The following SRPK2 variants were observed in gnomAD, a reference collection of about 807,000 sequenced individuals.
SRPK2 encodes the protein SRSF protein kinase 2, also known as SFRS protein kinase 2.
SRPK2 carries 21 observed loss-of-function variants against 90.8 expected under a neutral mutation model. The observed-to-expected ratio is 0.23, with a 90% CI of 0.16 to 0.33. The LOEUF is 0.33. SRPK2 is among the 10% of genes least tolerant of loss of function. SRPK2 has a pLI of 1.00. For synonymous variants in SRPK2, 288 were observed against 311.1 expected (o/e 0.93, Z 0.78); for missense variants, 620 against 869.0 (o/e 0.71, Z 3.60).
In SRPK2 at chr7:105,396,402, C is replaced by T. The variant is rs191332609; in HGVS notation, n.153+2754G>A. Among the ~76,000 whole-genome samples the T allele has an allele frequency of 2.1e-3, 317 of 151,678 alleles. 1 individual carries two copies. Among genetic ancestry groups the T allele is most frequent in the African/African-American group, 7.0e-3 (289 of 41,390 alleles). ...CCTGTAATCCCAGCACTTTGGGAGGCTGAGGCAGGCAGATCACGAGGTCAG... is the reference window on the plus strand; with the variant it reads ...CCTGTAATCCCAGCACTTTGGGAGGTTGAGGCAGGCAGATCACGAGGTCAG... On this transcript the variant is annotated intron_variant and non_coding_transcript_variant, in intron 1 of 3. Coordinates refer to the SRPK2 transcript ENST00000462282.
intron 2 of SRPK2, among the ~76,000 whole-genome samples, chr7:105,260,855 G>A (rs1022244387): frequency 4.6e-5 from 7 of 151,018 alleles, no homozygotes; most frequent in South Asian, 2.1e-4. Context: ...GACACAGGGC[G>A]GGGAACATCA....
At chr7:105,122,004 C>A (rs909496032) in intron 15 of SRPK2, among the ~76,000 whole-genome samples, 1 of 152,076 alleles carries the variant, frequency 6.6e-6, no homozygotes, top group Non-Finnish European at 1.5e-5. Flanking sequence ...ATTGTGTACA[C>A]GTAGAAAGTA....
chr7:105,192,400 T>A (rs1794406824), intron 3 of SRPK2, among the ~76,000 whole-genome samples: 1 of 152,214 alleles, frequency 6.6e-6, no homozygotes. Context: ...CTTTTTATGG[T>A]TGAGAAGTAC....
At chr7:105,149,263 T>C (rs1489844033) in intron 7 of SRPK2, among the ~76,000 whole-genome samples, 4 of 152,204 alleles carry the variant, frequency 2.6e-5, no homozygotes, top group Non-Finnish European at 5.9e-5. Context: ...AGGTGAGACA[T>C]GTTTGCAGTA....
At chr7:105,268,996 T>G in intron 2 of SRPK2, 1 of 1,386,292 alleles carries the variant, frequency 7.2e-7, no homozygotes, top group Non-Finnish European at 9.5e-7. Context: ...AGTACTTCTG[T>G]TAGGACTGGG....
At chr7:105,231,058 T>C (rs184458019) in intron 2 of SRPK2, among the ~76,000 whole-genome samples, 5 of 152,330 alleles carry the variant, frequency 3.3e-5, no homozygotes, top group African/African-American at 1.2e-4. Context: ...CAATAGTTAA[T>C]TCGTCTGCCC....
chr7:105,121,626 G>A (rs1800399452), intron 15 of SRPK2, among the ~76,000 whole-genome samples: 1 of 152,112 alleles, frequency 6.6e-6, no homozygotes, highest in African/African-American at 2.4e-5. Flanking sequence ...AGCCCCTTAG[G>A]CTTCTGAATT....
chr7:105,335,480 T>G (rs935199199), intron 2 of SRPK2, among the ~76,000 whole-genome samples: 2 of 150,126 alleles, frequency 1.3e-5, no homozygotes, highest in African/African-American at 4.9e-5. Flanking sequence ...GGAAATACAG[T>G]GAGACCTCAT....
intron 3 of SRPK2, among the ~76,000 whole-genome samples, chr7:105,188,701 G>A (rs1793898866): frequency 6.6e-6 from 1 of 152,154 alleles, no homozygotes; most frequent in African/African-American, 2.4e-5. Flanking sequence ...CAATGTTAAG[G>A]AGTGAAATCT....
At chr7:105,187,715 G>T (rs1192844934) in intron 3 of SRPK2, among the ~76,000 whole-genome samples, 1 of 152,182 alleles carries the variant, frequency 6.6e-6, no homozygotes, top group East Asian at 1.9e-4. Flanking sequence ...AAGGATTTTG[G>T]TGTGGGTGTC....
intron 2 of SRPK2, among the ~76,000 whole-genome samples, chr7:105,319,109 A>G (rs891120451): frequency 1.3e-4 from 20 of 152,248 alleles, no homozygotes; most frequent in Middle Eastern, 3.2e-3. Flanking sequence ...TAATTCACTC[A>G]ATATTTCAAA....
At chr7:105,221,817 C>T (rs1405776777) in intron 2 of SRPK2, among the ~76,000 whole-genome samples, 2 of 152,146 alleles carry the variant, frequency 1.3e-5, no homozygotes, top group Non-Finnish European at 2.9e-5. Context: ...ATTTATTTTT[C>T]TTCGGATTAC....
At chr7:105,114,968 T>TCAAA (rs1799544862), downstream of SRPK2, among the ~76,000 whole-genome samples, 1 of 152,216 alleles carries the variant, frequency 6.6e-6, no homozygotes, top group Non-Finnish European at 1.5e-5. Context: ...CCTGATAGTT[T>TCAAA]CAAACAGAAT....
chr7:105,385,114 C>T (rs1397827123), intron 2 of SRPK2, among the ~76,000 whole-genome samples: 6 of 149,774 alleles, frequency 4.0e-5, no homozygotes, highest in Non-Finnish European at 7.4e-5. Flanking sequence ...CCTCGTGATC[C>T]GCCCGCCTCG....
intron 2 of SRPK2, among the ~76,000 whole-genome samples, chr7:105,252,747 CTTTTT>C (rs140386836): frequency 7.7e-6 from 1 of 130,088 alleles, no homozygotes; most frequent in African/African-American, 2.8e-5. Context: ...TTTTTTTTTT[CTTTTT>C]TTTTTTTTGA....
intron 11 of SRPK2, among the ~76,000 whole-genome samples, chr7:105,135,765 ATT>A (rs56208863): frequency 9.9e-5 from 14 of 141,558 alleles, no homozygotes; most frequent in Admixed American, 1.4e-4. Flanking sequence ...AATGCAGGGA[ATT>A]TTTTTTTTTT....
intron 2 of SRPK2, among the ~76,000 whole-genome samples, chr7:105,232,458 T>TAAAAAAAAA (rs10533429): frequency 7.6e-6 from 1 of 132,100 alleles, no homozygotes; most frequent in African/African-American, 2.8e-5. Flanking sequence ...AAACCTTATC[T>TAAAAAAAAA]AAAAAAAAAA....
intron 2 of SRPK2, among the ~76,000 whole-genome samples, chr7:105,222,255 T>C (rs1314368741): frequency 1.3e-5 from 2 of 152,246 alleles, no homozygotes; most frequent in Admixed American, 1.3e-4. Flanking sequence ...TGTAGCACTC[T>C]AAACACCAGG....
At chr7:105,199,104 A>G (rs531515860) in intron 3 of SRPK2, among the ~76,000 whole-genome samples, 2 of 152,230 alleles carry the variant, frequency 1.3e-5, no homozygotes, top group Non-Finnish European at 2.9e-5. Context: ...TACATTTTAA[A>G]TAAGGGAAAC....
Sources: gnomAD v4.1 joint callset for allele counts (sites outside exome capture counted in the v4.1 genomes callset) on GRCh38, gnomAD v4.1.1 for gene constraint, MANE v1.5 for transcripts, NCBI Gene and HGNC (gene_info 2026-07-23, HGNC 2026-07-21) for gene names.